SRCAP: variants seen among roughly 807,000 people sequenced by gnomAD.
SRCAP encodes Snf2 related CREBBP activator protein.
In SRCAP, 46 loss-of-function variants were observed where a neutral mutation model predicts 263.1. That is an observed-to-expected ratio of 0.17 (90% CI 0.14 to 0.22). The LOEUF is 0.22. Among genes scored for constraint, SRCAP ranks in the 10% least tolerant of loss-of-function variants. SRCAP has a pLI of 1.00. For synonymous variants in SRCAP, 1,813 were observed against 1,662.1 expected (o/e 1.09, Z -2.21); for missense variants, 3,695 against 4,181.9 (o/e 0.88, Z 3.21).
chr16:30,728,984 C>T lies in SRCAP; in HGVS notation c.5677C>T (p.Arg1893Trp), dbSNP rs1164531334. The change falls in exon 26 of 34, where the codon CGG (arginine) becomes TGG (tryptophan). Residue 1893 changes from arginine (R) to tryptophan (W), a missense_variant. Arg to Trp is a moderately radical substitution (Grantham distance 101). Around this residue, in one of 12 missense-constraint regions of SRCAP, gnomAD observed 1,347 missense variants for 1,304.4 expected, o/e 1.03. Transcript: ENST00000262518. The stretch of plus-strand genomic sequence containing the variant: ...CCCCCAGGACTCCCTGGAGGAAAAG[C>T]GGAAGCGGCAGCGGTCTGAACGCCT... ...PFYLDSLEEK[R>W]KRQRSERLER... 1.9e-6 allele frequency: 3 copies of T among 1,613,002 alleles called. No homozygotes were observed. The highest frequency in any genetic ancestry group is 2.5e-6 in the Non-Finnish European group (3 of 1,179,210).
In SRCAP at chr16:30,724,168, G is replaced by A. The variant is rs1253266680; in HGVS notation, c.4744G>A (p.Ala1582Thr). ...LLAPASSASQALATPLAPMAA... is the reference protein window; with the variant it reads ...LLAPASSASQTLATPLAPMAA... ...GGCTCCAGCATCTTCTGCATCTCAG[G>A]CTCTAGCCACCCCTCTGGCTCCTAT... Residue 1582 changes from alanine to threonine, a missense_variant, in exon 25 of 34, where the codon GCT becomes ACT. Around this residue, in one of 12 missense-constraint regions of SRCAP, gnomAD observed 1,347 missense variants for 1,304.4 expected, o/e 1.03. Coordinates refer to ENST00000262518, the MANE Select transcript of SRCAP (RefSeq NM_006662.3). 1 of 1,613,888 alleles carries A rather than the reference G, an allele frequency of 6.2e-7. No individual in the cohort carries two copies. Among genetic ancestry groups the A allele is most frequent in the Non-Finnish European group, 8.5e-7 (1 of 1,180,000 alleles).
chr16:30,701,952 C>CTTTTT (rs1390062542), intron 3 of SRCAP, among the ~76,000 whole-genome samples: 1 of 139,478 alleles, frequency 7.2e-6, no homozygotes. Context: ...TTCTTTCTTT[C>CTTTTT]TTTTTTTTTT....
chr16:30,738,480 T>C lies in SRCAP; in HGVS notation c.8440T>C (p.Ser2814Pro). 1 of 1,596,552 alleles carries C rather than the reference T, an allele frequency of 6.3e-7. No homozygotes were observed. The highest frequency in any genetic ancestry group is 8.5e-7 in the Non-Finnish European group (1 of 1,170,972). The change falls in exon 34 of 34, where the codon TCA becomes CCA. Residue 2814 changes from serine to proline, a missense_variant. Ser to Pro is a moderately conservative substitution (Grantham distance 74). Around this residue, in one of 12 missense-constraint regions of SRCAP, gnomAD observed 1,207 missense variants for 1,142.9 expected, o/e 1.06. Transcript: ENST00000262518. ...TGGTGGGCCCTGTGAAGCTGCTCCT[T>C]CATCCTCACTGCCCACTCCACCCCA... ...PIGGPCEAAP[S>P]SSLPTPPQQP...
At chr16:30,700,563 C>T (rs990160422) in intron 2 of SRCAP, 53 bp from the exon 3 acceptor site, 1 of 376,330 alleles carries the variant, frequency 2.7e-6, no homozygotes, top group Non-Finnish European at 4.8e-6. Flanking sequence ...AATACTTTTT[C>T]ATCCCCTTTA....
In SRCAP at chr16:30,733,900, C is replaced by T. The variant is rs202092944; in HGVS notation, c.6501C>T (p.Ile2167=). The T allele has an allele frequency of 3.3e-4, 530 of 1,613,996 alleles. 1 individual carries two copies. Among genetic ancestry groups the T allele is most frequent in the Non-Finnish European group, 4.1e-4 (478 of 1,180,014 alleles). The change falls in exon 30 of 34, where the codon ATC becomes ATT. Residue 2167 remains isoleucine, a synonymous_variant. Coordinates refer to ENST00000262518, the MANE Select transcript of SRCAP (RefSeq NM_006662.3). This position sits in a 1 kb window ranked among gnomAD's most constrained non-coding sequence, Gnocchi z 5.3. ...GGCCTTCATCACCCCCTAGGCTTATCAGTGAACGGACAGTGGAGGAGAACA... is the reference window on the plus strand; with the variant it reads ...GGCCTTCATCACCCCCTAGGCTTATTAGTGAACGGACAGTGGAGGAGAACA... The part of the protein sequence containing the change: ...QTRDVHIYRL[I]SERTVEENIL...
At position 30,707,272 on chromosome 16, in the gene SRCAP, C is replaced by G; in HGVS notation, c.396C>G (p.Arg132=). ...KRLPKVPEPP[R]PKGHWDYLCE... Reference sequence around the variant, plus strand: ...TGCCTAAGGTGCCAGAGCCCCCTCGCCCCAAAGGTCACTGGGACTATTTGT... The same window carrying G: ...TGCCTAAGGTGCCAGAGCCCCCTCGGCCCAAAGGTCACTGGGACTATTTGT... The change falls in exon 5 of 34, where the codon CGC becomes CGG. Residue 132 remains arginine (R), a synonymous_variant. Coordinates refer to ENST00000262518, the MANE Select transcript of SRCAP (RefSeq NM_006662.3). 2 of 1,614,140 alleles carry G rather than the reference C, an allele frequency of 1.2e-6. No individual in the cohort carries two copies. The highest frequency in any genetic ancestry group is 1.7e-6 in the Non-Finnish European group (2 of 1,180,030).
intron 30 of SRCAP, 47 bp downstream of exon 30, chr16:30,734,055 C>A: frequency 6.8e-7 from 1 of 1,476,764 alleles, no homozygotes; most frequent in South Asian, 1.2e-5. Flanking sequence ...ACTGCTGCGC[C>A]TTCAGGAGTT....
intron 31 of SRCAP, among the ~76,000 whole-genome samples, chr16:30,734,878 C>G (rs936207437): frequency 3.9e-5 from 6 of 152,090 alleles, no homozygotes; most frequent in Non-Finnish European, 8.8e-5. Flanking sequence ...ACAATCGTCA[C>G]TCTTCTGAAC....
Position 30,709,889 on chromosome 16 carries a change from G to A in SRCAP, c.895G>A (p.Asp299Asn). The A allele has an allele frequency of 3.7e-6, 6 of 1,614,230 alleles. No homozygotes were observed. Among genetic ancestry groups the A allele is most frequent in the Non-Finnish European group, 5.1e-6 (6 of 1,180,034 alleles). Residue 299 changes from aspartate to asparagine, a missense_variant, in exon 8 of 34, where the codon GAT becomes AAT. This residue lies in a region of SRCAP where 30 missense variants were observed against 54.1 expected (regional missense o/e 0.55). Coordinates refer to ENST00000262518, the MANE Select transcript of SRCAP (RefSeq NM_006662.3). ...ACCCCAAGAGGATGAGGAAGAGGAT[G>A]ATGAGGAAACGATTGAAGTTGAAGA... Reference protein sequence around the residue: ...FQPQEDEEEDDEETIEVEEQQ... With the variant: ...FQPQEDEEEDNEETIEVEEQQ...
At position 30,713,319 on chromosome 16, in the gene SRCAP, G is replaced by T; in HGVS notation, c.2242G>T (p.Ala748Ser). The change falls in exon 15 of 34, where the codon GCG becomes TCG. Residue 748 changes from alanine (A) to serine (S), a missense_variant. Coordinates refer to ENST00000262518, the MANE Select transcript of SRCAP (RefSeq NM_006662.3). Reference protein sequence around the residue: ...KNWRYLILDEAQNIKNFKSQR... With the variant: ...KNWRYLILDESQNIKNFKSQR... ...CTGGCGCTATCTCATTCTGGATGAG[G>T]CGCAGAACATCAAGAACTTCAAGTC... 6.2e-7 allele frequency: 1 copy of T among 1,614,154 alleles called. No individual in the cohort carries two copies. Among genetic ancestry groups the T allele is most frequent in the South Asian group, 1.1e-5 (1 of 91,074 alleles).
At chr16:30,732,906 C>T (rs1033976134) in intron 27 of SRCAP, among the ~76,000 whole-genome samples, 4 of 152,128 alleles carry the variant, frequency 2.6e-5, no homozygotes, top group Non-Finnish European at 5.9e-5. Flanking sequence ...GATCTCAGCT[C>T]ACTGCAACCT....
rs2053043830 is a variant in SRCAP, at chr16:30,724,531, G to C, written c.5107G>C (p.Gly1703Arg). The C allele has an allele frequency of 6.2e-7, 1 of 1,613,970 alleles. No homozygotes were observed. The highest frequency in any genetic ancestry group is 1.7e-5 in the Admixed American group (1 of 59,988). The change falls in exon 25 of 34, where the codon GGA (glycine) becomes CGA (arginine). Residue 1703 changes from glycine (G) to arginine (R), a missense_variant. Around this residue, in one of 12 missense-constraint regions of SRCAP, gnomAD observed 1,347 missense variants for 1,304.4 expected, o/e 1.03. Transcript: ENST00000262518. ...ATCTCCATCTCAGACACTCTCTTTG[G>C]GAACGGGGAACCCCCAGGGACCCTT... The part of the protein sequence containing the change: ...GSSPSQTLSL[G>R]TGNPQGPFPT...
intron 3 of SRCAP, among the ~76,000 whole-genome samples, chr16:30,703,149 C>CTATATATATA (rs368190667): frequency 0.015 from 2,158 of 143,318 alleles, 57 homozygotes; most frequent in African/African-American, 0.054. Flanking sequence ...AAATCATATG[C>CTATATATATA]TATATATATA....
At chr16:30,715,255 C>T (rs929808759) in intron 16 of SRCAP, among the ~76,000 whole-genome samples, 8 of 152,298 alleles carry the variant, frequency 5.3e-5, no homozygotes, top group Non-Finnish European at 1.0e-4. Flanking sequence ...CACTATCATT[C>T]GGTAAACTAA....
In SRCAP at chr16:30,739,629, G is replaced by A; in HGVS notation, c.9589G>A (p.Val3197Ile). The A allele has an allele frequency of 6.3e-7, 1 of 1,591,736 alleles. No homozygotes were observed. The highest frequency in any genetic ancestry group is 8.5e-7 in the Non-Finnish European group (1 of 1,170,094). The change falls in exon 34 of 34, where the codon GTT (valine) becomes ATT (isoleucine). Residue 3197 changes from valine (V) to isoleucine (I), a missense_variant. This residue lies in a region of SRCAP where 1,207 missense variants were observed against 1,142.9 expected (regional missense o/e 1.06). Coordinates refer to ENST00000262518, the MANE Select transcript of SRCAP (RefSeq NM_006662.3). Reference sequence around the variant, plus strand: ...CCGACGTCCTGGCCCCCGCCGGCTTGTTGGGACCACCAACCAAGGGGACCA... The same window carrying A: ...CCGACGTCCTGGCCCCCGCCGGCTTATTGGGACCACCAACCAAGGGGACCA... ...PRRRPGPRRL[V>I]GTTNQGDQRI...
At chr16:30,736,417 C>A in intron 32 of SRCAP, 23 bp downstream of exon 32, 1 of 1,604,428 alleles carries the variant, frequency 6.2e-7, no homozygotes, top group Non-Finnish European at 8.5e-7. Context: ...CCCACTAGTT[C>A]TTGACTTTAC....
At chr16:30,710,284 T>G (rs140510194) in intron 8 of SRCAP, among the ~76,000 whole-genome samples, 156 bp downstream of exon 8, 1 of 152,166 alleles carries the variant, frequency 6.6e-6, no homozygotes, top group African/African-American at 2.4e-5. Context: ...AGAATCTGTT[T>G]GGGGCAAGTT....
Position 30,738,893 on chromosome 16 carries a change from T to C in SRCAP, c.8853T>C (p.Pro2951=). The C allele has an allele frequency of 6.2e-7, 1 of 1,614,132 alleles. No individual in the cohort carries two copies. Among genetic ancestry groups the C allele is most frequent in the East Asian group, 2.2e-5 (1 of 44,872 alleles). Residue 2951 remains proline (P), a synonymous_variant, in exon 34 of 34, where the codon CCT becomes CCC. Coordinates refer to ENST00000262518, the MANE Select transcript of SRCAP (RefSeq NM_006662.3). ...CTAAAGCACGAGATTTGCCCATCCC[T>C]GGGACCATTTCCTCTGCAGGGGATG... ...RPPKARDLPI[P]GTISSAGDGN...
intron 16 of SRCAP, among the ~76,000 whole-genome samples, chr16:30,715,434 G>A (rs1161735026): frequency 1.3e-5 from 2 of 151,926 alleles, no homozygotes; most frequent in African/African-American, 2.4e-5. Flanking sequence ...GCGCGGTGGC[G>A]GGTGCCTGTA....
Sources: gnomAD v4.1 joint callset for allele counts (sites outside exome capture counted in the v4.1 genomes callset) on GRCh38, gnomAD v4.1.1 for gene constraint, gnomAD v4.1.1 regional missense constraint, Gnocchi (gnomAD v3.1) non-coding constraint, MANE v1.5 for transcripts, NCBI Gene and HGNC (gene_info 2026-07-23, HGNC 2026-07-21) for gene names.